Variants in GNG7 observed in about 807,000 individuals in gnomAD.
The protein encoded by GNG7 is G protein subunit gamma 7.
Under a neutral mutation model 4.0 loss-of-function variants are expected in GNG7, and 1 was observed. The ratio of observed to expected loss-of-function variants is 0.25; its 90% CI spans 0.09 to 1.18. The LOEUF is 1.18. GNG7 is among the 50% of genes most tolerant of loss of function. The pLI, the probability that GNG7 is intolerant of heterozygous loss-of-function variation, is 0.50. For synonymous variants in GNG7, 34 were observed against 36.9 expected (o/e 0.92, Z 0.29); for missense variants, 86 against 91.9 (o/e 0.94, Z 0.26).
chr19:2,623,665 G>C (rs1433952234), intron 2 of GNG7, among the ~76,000 whole-genome samples: 1 of 152,136 alleles, frequency 6.6e-6, no homozygotes, highest in Non-Finnish European at 1.5e-5. Context: ...TGGATCACTT[G>C]AGGTCAGGAG....
chr19:2,525,393 GCCT>G (rs1431686120), intron 3 of GNG7, among the ~76,000 whole-genome samples: 1 of 152,188 alleles, frequency 6.6e-6, no homozygotes, highest in African/African-American at 2.4e-5. Flanking sequence ...CCCCGCGCTG[GCCT>G]CCTAGCAAAA....
intron 2 of GNG7, among the ~76,000 whole-genome samples, chr19:2,592,369 T>C (rs1029213717): frequency 6.6e-6 from 1 of 152,162 alleles, no homozygotes; most frequent in Admixed American, 6.6e-5. Context: ...AGCATTTTTA[T>C]TTCTAGCAAT....
intron 2 of GNG7, among the ~76,000 whole-genome samples, chr19:2,593,937 A>AAAC (rs1555696426): frequency 1.3e-5 from 2 of 151,650 alleles, no homozygotes; most frequent in Non-Finnish European, 2.9e-5. Context: ...CCAAAAAAAA[A>AAAC]AAAAAACTTT....
intron 2 of GNG7, among the ~76,000 whole-genome samples, chr19:2,584,643 G>GGAGGGATA (rs1980594452): frequency 9.0e-6 from 1 of 110,896 alleles, no homozygotes; most frequent in Non-Finnish European, 1.9e-5. Flanking sequence ...AAGGAAGGAG[G>GGAGGGATA]GAGGGAGGGA....
chr19:2,653,165 G>C lies in GNG7; in HGVS notation c.-134-6885C>G, dbSNP rs73510518. ...AAAACCAGGCCTCACCCACAGTGTCGAAGGCATGCATCTTCTAGGGTTATT... is the reference window on the plus strand; with the variant it reads ...AAAACCAGGCCTCACCCACAGTGTCCAAGGCATGCATCTTCTAGGGTTATT... On this transcript the variant is annotated intron_variant, in intron 1 of 4. Coordinates refer to ENST00000382159, the MANE Select transcript of GNG7 (RefSeq NM_052847.3). This position sits in a 1 kb window ranked among gnomAD's most constrained non-coding sequence, Gnocchi z 4.8. 0.048 allele frequency among the ~76,000 whole-genome samples: 7,293 copies of C among 152,094 alleles called. 586 individuals are homozygous for C. The highest frequency in any genetic ancestry group is 0.17 in the African/African-American group (6,953 of 41,460).
chr19:2,657,361 AATATATATATATATATATATATAT>A (rs869231931), intron 1 of GNG7, among the ~76,000 whole-genome samples: 5 of 16,342 alleles, frequency 3.1e-4, no homozygotes, highest in Admixed American at 1.0e-3. Flanking sequence ...AAAAAAAAAA[AATATATATATATATATATATATAT>A]ATATATATAT....
intron 3 of GNG7, among the ~76,000 whole-genome samples, chr19:2,526,293 C>T (rs868426254): frequency 4.7e-5 from 7 of 149,764 alleles, no homozygotes; most frequent in South Asian, 2.1e-4. Flanking sequence ...TTAATAGAGA[C>T]GGGGTTTCCC....
intron 4 of GNG7, among the ~76,000 whole-genome samples, chr19:2,518,850 C>T (rs1978294368): frequency 6.6e-6 from 1 of 151,902 alleles, no homozygotes; most frequent in African/African-American, 2.4e-5. Context: ...GGTTGGAGGG[C>T]AGTGGCGCAA....
At chr19:2,658,698 A>T (rs990859763) in intron 1 of GNG7, among the ~76,000 whole-genome samples, 1 of 152,224 alleles carries the variant, frequency 6.6e-6, no homozygotes, top group Non-Finnish European at 1.5e-5. Flanking sequence ...CACGCTTAGG[A>T]GGTCCCTAGA....
intron 1 of GNG7, among the ~76,000 whole-genome samples, chr19:2,647,697 AAC>A (rs371851121): frequency 2.7e-4 from 41 of 152,052 alleles, no homozygotes; most frequent in African/African-American, 9.9e-4. Context: ...CAGCCTAGGC[AAC>A]AGAGTGCAAT....
At chr19:2,669,884 C>T (rs1983406612) in intron 1 of GNG7, among the ~76,000 whole-genome samples, 1 of 151,846 alleles carries the variant, frequency 6.6e-6, no homozygotes, top group African/African-American at 2.4e-5. Context: ...GTGGCGGGTA[C>T]CTATAATCCC....
At chr19:2,531,285 C>G (rs1390335366) in intron 3 of GNG7, among the ~76,000 whole-genome samples, 1 of 119,138 alleles carries the variant, frequency 8.4e-6, no homozygotes, top group African/African-American at 3.4e-5. Flanking sequence ...GCTTTGGCAG[C>G]TGAGTGAGAT....
chr19:2,631,304 C>G (rs972873305), intron 2 of GNG7, among the ~76,000 whole-genome samples: 1 of 152,216 alleles, frequency 6.6e-6, no homozygotes, highest in African/African-American at 2.4e-5. Flanking sequence ...TATGTCACCT[C>G]ATGAAGCCAC....
chr19:2,667,451 G>T (rs906953773), intron 1 of GNG7, among the ~76,000 whole-genome samples: 1 of 151,946 alleles, frequency 6.6e-6, no homozygotes, highest in Non-Finnish European at 1.5e-5. Context: ...CTATGTGCTC[G>T]CCAGAAAACC....
At position 2,513,438 on chromosome 19, in the gene GNG7, C is replaced by T. The variant is rs759803679; in HGVS notation, c.*1584G>A. The stretch of plus-strand genomic sequence containing the variant: ...TCTCAGGTGTGGCCGCAGGTGATGC[C>T]GGCAGGCCCTGGAAGATGTGGCTGC... On this transcript the variant is annotated 3_prime_UTR_variant, in exon 5 of 5. Transcript: ENST00000382159. 9.6e-5 allele frequency: 88 copies of T among 912,498 alleles called. No individual in the cohort carries two copies. Among genetic ancestry groups the T allele is most frequent in the Admixed American group, 1.2e-4 (2 of 16,178 alleles). 56.5% of individuals were successfully genotyped at this position (912,498 alleles called of 1,614,324 possible).
chr19:2,669,036 C>T (rs1324913758), intron 1 of GNG7, among the ~76,000 whole-genome samples: 1 of 152,176 alleles, frequency 6.6e-6, no homozygotes, highest in Non-Finnish European at 1.5e-5. Context: ...AATCCTCCTT[C>T]CACAGATGGG....
At chr19:2,697,957 C>G (rs781198313) in intron 1 of GNG7, among the ~76,000 whole-genome samples, 1 of 147,932 alleles carries the variant, frequency 6.8e-6, no homozygotes, top group Non-Finnish European at 1.5e-5. Context: ...GGGCAATGAA[C>G]GAGACCACAT....
intron 2 of GNG7, among the ~76,000 whole-genome samples, chr19:2,600,584 G>A (rs1156732499): frequency 6.6e-6 from 1 of 150,854 alleles, no homozygotes; most frequent in East Asian, 1.9e-4. Flanking sequence ...TGATTCTCCT[G>A]CCTCAGCCTC....
rs1682939862 is a variant in GNG7, at chr19:2,512,193, C to A, written c.*2829G>T. The A allele has an allele frequency of 1.0e-6, 1 of 985,912 alleles. No individual in the cohort carries two copies. The highest frequency in any genetic ancestry group is 1.2e-6 in the Non-Finnish European group (1 of 829,984). 61.1% of individuals were successfully genotyped at this position (985,912 alleles called of 1,614,324 possible). ...CTGCTGCCACCCCCGCCCGCCAGCT[C>A]CCCGTCTGGAGGTGCACGCGCGCTC... On this transcript the variant is annotated 3_prime_UTR_variant, in exon 5 of 5. Transcript: ENST00000382159. The surrounding 1 kb of genome is among the most constrained non-coding windows in gnomAD (Gnocchi z 4.7).
Sources: gnomAD v4.1 joint callset for allele counts (sites outside exome capture counted in the v4.1 genomes callset) on GRCh38, gnomAD v4.1.1 for gene constraint, Gnocchi (gnomAD v3.1) non-coding constraint, MANE v1.5 for transcripts, NCBI Gene and HGNC (gene_info 2026-07-23, HGNC 2026-07-21) for gene names.